PHF24: variants seen among roughly 807,000 people sequenced by gnomAD.
The protein encoded by PHF24 is Galpha inhibitory interacting protein.
PHF24 carries 25 observed loss-of-function variants against 42.6 expected under a neutral mutation model. The ratio of observed to expected loss-of-function variants is 0.59; its 90% CI spans 0.43 to 0.82. The LOEUF is 0.82. Among genes scored for constraint, PHF24 ranks in the 40% least tolerant of loss-of-function variants. The pLI, the probability that PHF24 is intolerant of heterozygous loss-of-function variation, is 0.00. For synonymous variants in PHF24, 185 were observed against 204.8 expected, an observed-to-expected ratio of 0.90 and a Z score of 0.83; for missense variants, 470 against 538.1, an observed-to-expected ratio of 0.87 and a Z score of 1.25.
the PHF24 span, chr9:34,709,728 C>T: frequency 6.2e-7 from 1 of 1,613,500 alleles, no homozygotes; most frequent in Non-Finnish European, 8.5e-7. Context: ...CCCACCATGC[C>T]CTCCCCACCC....
chr9:34,761,256 T>G, the PHF24 span, among the ~76,000 whole-genome samples: 1 of 152,302 alleles, frequency 6.6e-6, no homozygotes, highest in Non-Finnish European at 1.5e-5. Flanking sequence ...AAAGGAAAAT[T>G]GAAACTTTAA....
the PHF24 span, among the ~76,000 whole-genome samples, chr9:34,776,341 T>C: frequency 5.6e-4 from 86 of 152,314 alleles, no homozygotes; most frequent in African/African-American, 1.9e-3. Context: ...ATTTATAAAT[T>C]TGGCTGCTTT....
chr9:34,909,775 C>G, the PHF24 span, among the ~76,000 whole-genome samples: 34,345 of 152,098 alleles, frequency 0.23, 4,530 homozygotes, highest in South Asian at 0.43. Flanking sequence ...GCATCCGCCA[C>G]CATGCCTGGC....
the PHF24 span, among the ~76,000 whole-genome samples, chr9:34,730,897 A>G: frequency 6.6e-6 from 1 of 152,230 alleles, no homozygotes; most frequent in African/African-American, 2.4e-5. Flanking sequence ...CTAGCAGAAT[A>G]TAGAAGGGTG....
chr9:34,757,713 G>A, the PHF24 span, among the ~76,000 whole-genome samples: 6 of 152,210 alleles, frequency 3.9e-5, no homozygotes, highest in South Asian at 1.2e-3. Flanking sequence ...TGTAATCCAT[G>A]CTAGTGATGT....
the PHF24 span, among the ~76,000 whole-genome samples, chr9:34,670,122 TGA>T: frequency 6.6e-6 from 1 of 152,232 alleles, no homozygotes; most frequent in Non-Finnish European, 1.5e-5. Context: ...GAGAAACCAC[TGA>T]GAGAAGCTCT....
At chr9:34,893,068 C>T in the PHF24 span, 5 of 982,760 alleles carry the variant, frequency 5.1e-6, no homozygotes, top group East Asian at 1.0e-4. Flanking sequence ...GCTTAATCTC[C>T]AGAGCCATAA....
At chr9:34,895,061 C>T in the PHF24 span, 1 of 398,390 alleles carries the variant, frequency 2.5e-6, no homozygotes, top group Admixed American at 4.4e-5. Context: ...TATCTCCAGA[C>T]TTTTGTTGGA....
At chr9:34,801,354 T>C in the PHF24 span, among the ~76,000 whole-genome samples, 5 of 152,334 alleles carry the variant, frequency 3.3e-5, no homozygotes, top group South Asian at 8.3e-4. Flanking sequence ...TGTATGTTTA[T>C]TGCAGCACTA....
At chr9:34,840,125 A>T in the PHF24 span, among the ~76,000 whole-genome samples, 13 of 152,070 alleles carry the variant, frequency 8.5e-5, no homozygotes, top group Admixed American at 7.2e-4. Flanking sequence ...TCCTTGATGG[A>T]GGGCCTTTGC....
At chr9:34,927,951 TG>T in the PHF24 span, among the ~76,000 whole-genome samples, 1 of 151,986 alleles carries the variant, frequency 6.6e-6, no homozygotes, top group African/African-American at 2.4e-5. Context: ...AGTTGGGAGC[TG>T]GGGGGAGGTG....
At chr9:34,908,276 G>T in the PHF24 span, among the ~76,000 whole-genome samples, 2 of 152,066 alleles carry the variant, frequency 1.3e-5, no homozygotes, top group East Asian at 1.9e-4. Context: ...TCCATTTAAG[G>T]CTTTTGTCTT....
chr9:34,948,039 G>A, the PHF24 span, among the ~76,000 whole-genome samples: 2 of 151,640 alleles, frequency 1.3e-5, no homozygotes, highest in Non-Finnish European at 2.9e-5. Flanking sequence ...AACCCGGGGG[G>A]CGGAGCTTGC....
chr9:34,681,250 C>T, the PHF24 span: 2 of 152,180 alleles, frequency 1.3e-5, no homozygotes, highest in African/African-American at 4.8e-5. Flanking sequence ...TGTTGTATTA[C>T]ACTCCTCAGA....
the PHF24 span, among the ~76,000 whole-genome samples, chr9:34,741,674 T>C: frequency 6.6e-6 from 1 of 152,250 alleles, no homozygotes; most frequent in Non-Finnish European, 1.5e-5. Flanking sequence ...GTAGTATTTC[T>C]CTATCGCCTG....
the PHF24 span, chr9:34,893,249 A>C: frequency 2.3e-6 from 1 of 438,360 alleles, no homozygotes; most frequent in Non-Finnish European, 4.0e-6. Context: ...CCCAGTCCTG[A>C]AAATCCTGGA....
chr9:34,906,255 G>A, the PHF24 span, among the ~76,000 whole-genome samples: 1 of 152,100 alleles, frequency 6.6e-6, no homozygotes, highest in East Asian at 1.9e-4. Flanking sequence ...GCCTCAGTTG[G>A]ATTACAATTT....
the PHF24 span, chr9:34,838,590 C>T: frequency 2.6e-6 from 2 of 766,970 alleles, no homozygotes; most frequent in Non-Finnish European, 4.2e-6. Flanking sequence ...TTGTCATATC[C>T]ACCTCACAGA....
the PHF24 span, among the ~76,000 whole-genome samples, chr9:34,854,734 G>C: frequency 6.6e-6 from 1 of 152,204 alleles, no homozygotes; most frequent in Non-Finnish European, 1.5e-5. Flanking sequence ...ATGTGGCAAT[G>C]AGAAGAATAT....
Sources: gnomAD v4.1 joint callset for allele counts (sites outside exome capture counted in the v4.1 genomes callset) on GRCh38, gnomAD v4.1.1 for gene constraint, MANE v1.5 for transcripts, NCBI Gene and HGNC (gene_info 2026-07-23, HGNC 2026-07-21) for gene names.